Variants in ADD2 observed in about 807,000 individuals in gnomAD.
ADD2 encodes adducin 2.
In ADD2, 23 loss-of-function variants were observed where a neutral mutation model predicts 83.0. The observed-to-expected ratio is 0.28, with a 90% CI of 0.20 to 0.39. The LOEUF is 0.39. ADD2 is among the 10% of genes least tolerant of loss of function. The probability of loss-of-function intolerance (pLI) is 1.00; values close to 1 mark genes in which losing one functional copy is unlikely to be tolerated. For missense variants in ADD2, 758 were observed against 944.9 expected (o/e 0.80, Z 2.59); for synonymous variants, 375 against 375.4 (o/e 1.00, Z 0.01).
chr2:70,765,275 G>A (rs1553385796), intron 1 of ADD2, among the ~76,000 whole-genome samples: 2 of 152,118 alleles, frequency 1.3e-5, no homozygotes, highest in Non-Finnish European at 2.9e-5. Context: ...ATCACTTGAA[G>A]CCAGGAGGTG....
rs939681273 is a variant in ADD2 at position 70,675,700 on chromosome 2, G to A, written c.1594-875C>T. 7 of 985,448 alleles carry A rather than the reference G, an allele frequency of 7.1e-6. No individual in the cohort carries two copies. The African/African-American group carries it at 8.7e-5, about 12-fold the overall frequency. 61.0% of individuals were successfully genotyped at this position (985,448 alleles called of 1,614,324 possible). On this transcript the variant is annotated intron_variant, in intron 13 of 15. Coordinates refer to ENST00000264436, the MANE Select transcript of ADD2 (RefSeq NM_001617.4). ...CTGCCAGTCCTCCCTGCCCTGGCCC[G>A]CCAGGTCTTCTGCCCCTGGGCCCCT...
chr2:70,686,401 G>A (rs1450407984), intron 9 of ADD2, among the ~76,000 whole-genome samples: 15 of 152,138 alleles, frequency 9.9e-5, no homozygotes, highest in Non-Finnish European at 1.5e-5. Flanking sequence ...GCAGCTGAGG[G>A]AAGGGGGCTG....
rs539217357 is a variant in ADD2, at chr2:70,678,005, C to G, written c.1384-128G>C. 8.6e-6 allele frequency: 11 copies of G among 1,281,040 alleles called. No homozygotes were observed. In the African/African-American group the frequency reaches 1.2e-4, roughly 14 times the overall value. The allele number at this position is 1,281,040 out of a possible 1,614,324, so 79.4% of individuals were successfully genotyped here. ...GTCAGCAAGCCTACTCATAGACACT[C>G]TCTCTTCTTAGGCCTCTTTGATGTC... On this transcript the variant is annotated intron_variant, in intron 11 of 15. Coordinates refer to ENST00000264436, the MANE Select transcript of ADD2 (RefSeq NM_001617.4).
At chr2:70,719,742 C>A (rs904036906) in intron 1 of ADD2, among the ~76,000 whole-genome samples, 13 of 152,234 alleles carry the variant, frequency 8.5e-5, no homozygotes, top group Non-Finnish European at 1.5e-4. Context: ...AATCCAGTCA[C>A]AGATACTTTT....
intron 1 of ADD2, among the ~76,000 whole-genome samples, chr2:70,713,638 T>A (rs1290746894): frequency 1.3e-5 from 2 of 152,058 alleles, no homozygotes; most frequent in East Asian, 3.9e-4. Context: ...GAAAGCTGCA[T>A]TATCTTTACA....
At position 70,749,116 on chromosome 2, in the gene ADD2, T is replaced by C. The variant is rs372876539; in HGVS notation, c.-154+18770A>G. ...TGAGGCCTCAGGAAACTTACAATCA[T>C]GGCAGAAGACACCTCTTCACAAGGC... On this transcript the variant is annotated intron_variant, in intron 1 of 15. Transcript: ENST00000264436. Among the ~76,000 whole-genome samples the C allele has an allele frequency of 1.2e-4, 19 of 152,246 alleles. No individual in the cohort carries two copies. In the South Asian group the frequency reaches 3.9e-3, roughly 32 times the overall value.
At chr2:70,711,539 TA>T (rs540337619) in intron 2 of ADD2, among the ~76,000 whole-genome samples, 7 of 152,042 alleles carry the variant, frequency 4.6e-5, no homozygotes, top group African/African-American at 1.7e-4. Flanking sequence ...CCTTGATTTT[TA>T]AAAAAACTCT....
intron 4 of ADD2, among the ~76,000 whole-genome samples, chr2:70,699,176 T>G (rs1277583998): frequency 6.6e-6 from 1 of 151,686 alleles, no homozygotes; most frequent in Admixed American, 6.6e-5. Flanking sequence ...ATTTGGGAGA[T>G]AAAAACCAGA....
At chr2:70,665,313 A>G (rs1675740804) in intron 15 of ADD2, among the ~76,000 whole-genome samples, 1 of 152,130 alleles carries the variant, frequency 6.6e-6, no homozygotes, top group Non-Finnish European at 1.5e-5. Flanking sequence ...AACTCCTGAC[A>G]CTGCTGGGCA....
At chr2:70,709,302 A>G (rs568034365) in intron 2 of ADD2, among the ~76,000 whole-genome samples, 1 of 150,800 alleles carries the variant, frequency 6.6e-6, no homozygotes, top group Admixed American at 6.6e-5. Context: ...AGGTAGGGGA[A>G]GGGGTCTGCT....
intron 1 of ADD2, among the ~76,000 whole-genome samples, chr2:70,736,671 G>T (rs1422389239): frequency 6.6e-6 from 1 of 152,088 alleles, no homozygotes; most frequent in Non-Finnish European, 1.5e-5. Context: ...TTTTCAAGAA[G>T]CTGCCTAGTT....
intron 1 of ADD2, among the ~76,000 whole-genome samples, chr2:70,737,931 T>C (rs1553380471): frequency 6.6e-6 from 1 of 152,022 alleles, no homozygotes; most frequent in Non-Finnish European, 1.5e-5. Flanking sequence ...AGAGTGGAAA[T>C]TACTATCCCC....
rs1420743836 is a variant in ADD2, at chr2:70,741,120, G to A, written c.-154+26766C>T. Among the ~76,000 whole-genome samples, 3 of 152,188 alleles carry A rather than the reference G, an allele frequency of 2.0e-5. No homozygotes were observed. In the East Asian group the frequency reaches 5.8e-4, roughly 29 times the overall value. On this transcript the variant is annotated intron_variant, in intron 1 of 15. Coordinates refer to ENST00000264436, the MANE Select transcript of ADD2 (RefSeq NM_001617.4). ...GATTTAAAAAAAGAAATGATAAATT[G>A]CCCTGCAGAGAAAGTTACCAAATAT...
chr2:70,698,484 T>G (rs1446283629), intron 4 of ADD2, among the ~76,000 whole-genome samples: 2 of 152,190 alleles, frequency 1.3e-5, no homozygotes, highest in East Asian at 1.9e-4. Context: ...ACAGACCGAA[T>G]AAGTTCTAGA....
intron 10 of ADD2, among the ~76,000 whole-genome samples, chr2:70,681,012 C>T (rs1271376411): frequency 1.3e-5 from 2 of 152,116 alleles, no homozygotes; most frequent in African/African-American, 4.8e-5. Context: ...CCTTGTAAAA[C>T]TGATGAAAGA....
chr2:70,690,793 G>C lies in ADD2; in HGVS notation c.842C>G (p.Thr281Ser). ...RINLQKCLGP[T>S]CKILVLRNHG... ...CAGAAGAGCTAAGCTAACCTTGCAG[G>C]TGGGTCCAAGGCACTTCTGCAGGTT... The change falls in exon 8 of 16, where the codon ACC becomes AGC. Residue 281 changes from threonine to serine, a missense_variant. Thr to Ser is a moderately conservative substitution (Grantham distance 58). Around this residue, in one of 5 missense-constraint regions of ADD2, gnomAD observed 394 missense variants for 509.3 expected, o/e 0.77. Transcript: ENST00000264436. 2 of 1,612,326 alleles carry C rather than the reference G, an allele frequency of 1.2e-6. No homozygotes were observed. The highest frequency in any genetic ancestry group is 8.5e-7 in the Non-Finnish European group (1 of 1,179,402).
At position 70,696,405 on chromosome 2, in the gene ADD2, A is replaced by G. The variant is rs782586660; in HGVS notation, c.323-9T>C. ...CGTCATCATGGAGACATCTGCAGGG[A>G]CAGTGCAGTTCTCTCAGGGCCAGGG... is the stretch of plus-strand genomic sequence containing the variant. On this transcript the variant is annotated splice_polypyrimidine_tract_variant and intron_variant, in intron 4 of 15. Transcript: ENST00000264436. 5.6e-6 allele frequency: 9 copies of G among 1,614,078 alleles called. No homozygotes were observed. Among genetic ancestry groups the G allele is most frequent in the Non-Finnish European group, 5.1e-6 (6 of 1,180,008 alleles).
chr2:70,664,307 G>C (rs1197233511), intron 15 of ADD2, among the ~76,000 whole-genome samples: 1 of 152,150 alleles, frequency 6.6e-6, no homozygotes, highest in Non-Finnish European at 1.5e-5. Context: ...GTCAAAAGGG[G>C]AAGACCCCTG....
chr2:70,744,824 A>G (rs559516013), intron 1 of ADD2, among the ~76,000 whole-genome samples: 8 of 152,150 alleles, frequency 5.3e-5, no homozygotes, highest in South Asian at 2.1e-4. Context: ...GGTGGGGAAG[A>G]CCGGGCTTGG....
Sources: allele counts gnomAD v4.1 joint callset (sites outside exome capture counted in the v4.1 genomes callset), GRCh38; gene constraint gnomAD v4.1.1; regional missense constraint gnomAD v4.1.1; transcripts MANE v1.5; gene names NCBI Gene and HGNC (gene_info 2026-07-23, HGNC 2026-07-21).